The following KIFC1 variants were observed in gnomAD, a reference collection of about 807,000 sequenced individuals.
KIFC1 encodes the protein kinesin-like protein KIFC1.
A neutral mutation model predicts 66.6 loss-of-function variants in KIFC1; 37 were observed. That is an observed-to-expected ratio of 0.56 (90% CI 0.43 to 0.73). KIFC1 has a LOEUF of 0.73. KIFC1 is among the 30% of genes least tolerant of loss of function. The probability of loss-of-function intolerance (pLI) is 0.00; values close to 1 mark genes in which losing one functional copy is unlikely to be tolerated. For synonymous variants in KIFC1, 325 were observed against 343.5 expected (o/e 0.95, Z 0.60); for missense variants, 721 against 859.8 (o/e 0.84, Z 2.02).
rs1775487988 is a variant in KIFC1, at chr6:33,403,639, C to A, written c.356-90C>A. Reference sequence around the variant, plus strand: ...GGTCTCTAAGGGGAAGGAGATGTAGCATCAGGTGTGGATCCCATAAAGGCT... The same window carrying A: ...GGTCTCTAAGGGGAAGGAGATGTAGAATCAGGTGTGGATCCCATAAAGGCT... On this transcript the variant is annotated intron_variant, in intron 5 of 10. Transcript: ENST00000428849. This position sits in a 1 kb window ranked among gnomAD's most constrained non-coding sequence, Gnocchi z 4.6. 28 of 1,571,260 alleles carry A rather than the reference C, an allele frequency of 1.8e-5. No individual in the cohort carries two copies. The highest frequency in any genetic ancestry group is 2.4e-5 in the Non-Finnish European group (27 of 1,142,306).
rs1775648842 is a variant in KIFC1 at position 33,406,269 on chromosome 6, G to A, written c.1610G>A (p.Arg537His). The A allele has an allele frequency of 6.2e-7, 1 of 1,614,140 alleles. No homozygotes were observed. Among genetic ancestry groups the A allele is most frequent in the South Asian group, 1.1e-5 (1 of 91,086 alleles). The change falls in exon 8 of 11, where the codon CGC becomes CAC. Residue 537 changes from arginine to histidine, a missense_variant. By Grantham distance (29) the Arg-to-His change is conservative. Coordinates refer to ENST00000428849, the MANE Select transcript of KIFC1 (RefSeq NM_002263.4). This position sits in a 1 kb window ranked among gnomAD's most constrained non-coding sequence, Gnocchi z 4.5. ...ARTAQNERSS[R>H]SHSVFQLQIS... ...ACAGCCCAGAATGAACGGTCATCAC[G>A]CAGCCACAGTGTATTCCAGCTACAG... is the stretch of plus-strand genomic sequence containing the variant.
At chr6:33,398,200 G>C (rs201747101) in intron 2 of KIFC1, 34 bp downstream of exon 2, 103 of 1,613,516 alleles carry the variant, frequency 6.4e-5, no homozygotes, top group Non-Finnish European at 8.4e-5. Context: ...GCATGTGTGT[G>C]GGGGGTGTGT....
At position 33,409,636 on chromosome 6, in the gene KIFC1, C is replaced by CT. The variant is rs528176353; in HGVS notation, c.1978-9dup. 1.2e-4 allele frequency: 188 copies of CT among 1,613,560 alleles called. No homozygotes were observed. In the African/African-American group the frequency reaches 1.5e-3, roughly 13 times the overall value. Reference sequence around the variant, plus strand: ...GCAAACTTTTATCCTGTCTAACCCCCTGCCCCCAGGTGAACCAGTGTGTTA... The same window carrying CT: ...GCAAACTTTTATCCTGTCTAACCCCCTTGCCCCCAGGTGAACCAGTGTGTTA... On this transcript the variant is annotated splice_polypyrimidine_tract_variant and intron_variant, in intron 10 of 10. Transcript: ENST00000428849.
chr6:33,398,272 C>T lies in KIFC1; in HGVS notation c.151-16C>T. ...TAGGGAGGGTGACTATGGACCTTGT[C>T]TTTATCTTTCCCCAGAAACGGACAA... On this transcript the variant is annotated splice_polypyrimidine_tract_variant and intron_variant, in intron 2 of 10. Coordinates refer to ENST00000428849, the MANE Select transcript of KIFC1 (RefSeq NM_002263.4). 1 of 1,613,824 alleles carries T rather than the reference C, an allele frequency of 6.2e-7. No homozygotes were observed. The highest frequency in any genetic ancestry group is 8.5e-7 in the Non-Finnish European group (1 of 1,179,878).
intron 1 of KIFC1, among the ~76,000 whole-genome samples, chr6:33,392,465 G>A (rs1168127008): frequency 6.6e-6 from 1 of 152,168 alleles, no homozygotes; most frequent in Non-Finnish European, 1.5e-5. Context: ...GTGTAGGAAA[G>A]GGAGAAGGAG....
chr6:33,404,772 C>A lies in KIFC1; in HGVS notation c.757-80C>A. The A allele has an allele frequency of 7.3e-7, 1 of 1,365,492 alleles. No individual in the cohort carries two copies. The highest frequency in any genetic ancestry group is 1.0e-6 in the Non-Finnish European group (1 of 996,234). The allele number at this position is 1,365,492 out of a possible 1,614,324, so 84.6% of individuals were successfully genotyped here. On this transcript the variant is annotated intron_variant, in intron 6 of 10. Coordinates refer to ENST00000428849, the MANE Select transcript of KIFC1 (RefSeq NM_002263.4). This position sits in a 1 kb window ranked among gnomAD's most constrained non-coding sequence, Gnocchi z 4.0. ...TTTTGAGCAGGGACCTCACTTCCAC[C>A]CACTCCATACGCCCCACAGTTTGTT...
At chr6:33,402,808 T>G (rs1453127530) in intron 3 of KIFC1, among the ~76,000 whole-genome samples, 1 of 151,194 alleles carries the variant, frequency 6.6e-6, no homozygotes, top group African/African-American at 2.4e-5. Flanking sequence ...ATCAACATGG[T>G]GAAACCCCGT....
chr6:33,392,124 G>T, intron 1 of KIFC1, 127 bp downstream of exon 1: 1 of 1,074,004 alleles, frequency 9.3e-7, no homozygotes, highest in Non-Finnish European at 1.3e-6. Context: ...AGGTCCGTGC[G>T]CCCCCGCACA....
Position 33,409,705 on chromosome 6 carries a change from C to CTGTGTG in KIFC1, c.*59_*64dup, listed in dbSNP as rs3066474. 7,622 of 1,259,466 alleles carry CTGTGTG rather than the reference C, an allele frequency of 6.1e-3. 46 individuals are homozygous for CTGTGTG. Among genetic ancestry groups the CTGTGTG allele is most frequent in the African/African-American group, 0.021 (1,146 of 53,388 alleles). The allele number at this position is 1,259,466 out of a possible 1,614,324, so 78.0% of individuals were successfully genotyped here. Reference sequence around the variant, plus strand: ...ACAGGAAGTGAAGACGGATCCAGATCTGTGTGTGTGTGTGTGTGTGTGTGT... The same window carrying CTGTGTG: ...ACAGGAAGTGAAGACGGATCCAGATCTGTGTGTGTGTGTGTGTGTGTGTGTGTGTGT... On this transcript the variant is annotated 3_prime_UTR_variant, in exon 11 of 11. Transcript: ENST00000428849.
Position 33,403,483 on chromosome 6 carries a change from A to G in KIFC1, c.305-2A>G. The G allele has an allele frequency of 6.2e-7, 1 of 1,614,162 alleles. No individual in the cohort carries two copies. The highest frequency in any genetic ancestry group is 8.5e-7 in the Non-Finnish European group (1 of 1,179,966). On this transcript the variant is annotated splice_acceptor_variant, in intron 4 of 10. Coordinates refer to ENST00000428849, the MANE Select transcript of KIFC1 (RefSeq NM_002263.4). LOFTEE classifies it high-confidence loss of function. This position sits in a 1 kb window ranked among gnomAD's most constrained non-coding sequence, Gnocchi z 4.6. ...TCCTAAGTCACCTCCTCAATTCTGT[A>G]GGGTTGAAGAACCAGAAGCCAGTTC... is the stretch of plus-strand genomic sequence containing the variant.
At chr6:33,396,085 G>A (rs1775018679) in intron 1 of KIFC1, among the ~76,000 whole-genome samples, 1 of 152,106 alleles carries the variant, frequency 6.6e-6, no homozygotes, top group African/African-American at 2.4e-5. Context: ...TCTTATGTAG[G>A]GGTTATGATA....
At chr6:33,407,662 G>A (rs1775724838) in intron 10 of KIFC1, among the ~76,000 whole-genome samples, 1 of 152,174 alleles carries the variant, frequency 6.6e-6, no homozygotes, top group Non-Finnish European at 1.5e-5. Flanking sequence ...TGGGATTACT[G>A]GATCAAAGAC....
Position 33,397,366 on chromosome 6 carries a change from C to T in KIFC1, c.13-663C>T, listed in dbSNP as rs537531786. Among the ~76,000 whole-genome samples the T allele has an allele frequency of 6.3e-5, 9 of 143,476 alleles. No homozygotes were observed. The South Asian group carries it at 1.8e-3, about 28-fold the overall frequency. 94.1% of individuals were successfully genotyped at this position (143,476 alleles called of 152,430 possible). A position where few individuals can be genotyped will look rare whatever the true frequency, so the allele number is the denominator to read the frequency against. The stretch of plus-strand genomic sequence containing the variant: ...AGGTTGGAGTGCAGTGGCGTGATCT[C>T]GGCTCACCGCAACCTCTGCCTCCCA... On this transcript the variant is annotated intron_variant, in intron 1 of 10. Coordinates refer to ENST00000428849, the MANE Select transcript of KIFC1 (RefSeq NM_002263.4).
rs770033145 is a variant in KIFC1, at chr6:33,403,967, G to A, written c.594G>A (p.Gln198=). The A allele has an allele frequency of 6.2e-7, 1 of 1,614,250 alleles. No homozygotes were observed. Among genetic ancestry groups the A allele is most frequent in the African/African-American group, 1.3e-5 (1 of 75,066 alleles). The change falls in exon 6 of 11, where the codon CAG becomes CAA. Residue 198 remains glutamine (Q), a synonymous_variant. Transcript: ENST00000428849. This position sits in a 1 kb window ranked among gnomAD's most constrained non-coding sequence, Gnocchi z 4.6. Reference sequence around the variant, plus strand: ...GGCATTTAGCCAAGGTACAGGCCCAGGCTGAGCAGGGCCAACAGGAGCTGA... The same window carrying A: ...GGCATTTAGCCAAGGTACAGGCCCAAGCTGAGCAGGGCCAACAGGAGCTGA... The part of the protein sequence containing the change: ...LEGHLAKVQA[Q]AEQGQQELKN...
chr6:33,407,113 A>G, intron 10 of KIFC1: 5 of 1,384,192 alleles, frequency 3.6e-6, no homozygotes, highest in Non-Finnish European at 4.7e-6. Flanking sequence ...AAAGGTGACT[A>G]AAAGGTCTAA....
chr6:33,408,092 T>G (rs1431229419), intron 10 of KIFC1, among the ~76,000 whole-genome samples: 1 of 152,242 alleles, frequency 6.6e-6, no homozygotes, highest in African/African-American at 2.4e-5. Flanking sequence ...ATTAATGTTA[T>G]ACCAATGTAA....
In KIFC1 at chr6:33,406,901, T is replaced by A. The variant is rs1393804540; in HGVS notation, c.1977+26T>A. 1.2e-6 allele frequency: 2 copies of A among 1,613,864 alleles called. No homozygotes were observed. Among genetic ancestry groups the A allele is most frequent in the African/African-American group, 2.7e-5 (2 of 74,912 alleles). On this transcript the variant is annotated intron_variant, in intron 10 of 10. Coordinates refer to ENST00000428849, the MANE Select transcript of KIFC1 (RefSeq NM_002263.4). This position sits in a 1 kb window ranked among gnomAD's most constrained non-coding sequence, Gnocchi z 4.5. ...GTGCGATTACCACCCGTCAGCCTTG[T>A]CAGGACCCGTGGGTGGTTGTAGGCT...
intron 1 of KIFC1, among the ~76,000 whole-genome samples, chr6:33,396,991 T>C (rs1775082045): frequency 7.2e-6 from 1 of 139,472 alleles, no homozygotes; most frequent in Non-Finnish European, 1.5e-5. Flanking sequence ...CAAGTTCTTT[T>C]TTTTTTTTTT....
chr6:33,398,913 A>G (rs1220115197), intron 3 of KIFC1, among the ~76,000 whole-genome samples: 1 of 152,166 alleles, frequency 6.6e-6, no homozygotes, highest in South Asian at 2.1e-4. Flanking sequence ...GGGAAATTCT[A>G]TTGGTATTCA....
Sources: allele counts gnomAD v4.1 joint callset (sites outside exome capture counted in the v4.1 genomes callset), GRCh38; gene constraint gnomAD v4.1.1; non-coding constraint Gnocchi (gnomAD v3.1); transcripts MANE v1.5; gene names NCBI Gene and HGNC (gene_info 2026-07-23, HGNC 2026-07-21).